PDE4D: variants seen among roughly 807,000 people sequenced by gnomAD.
The protein encoded by PDE4D is 3',5'-cyclic-AMP phosphodiesterase 4D.
A neutral mutation model predicts 87.4 loss-of-function variants in PDE4D; 24 were observed. That is an observed-to-expected ratio of 0.27 (90% CI 0.20 to 0.39). The LOEUF (loss-of-function observed/expected upper bound fraction) is 0.39. PDE4D is among the 10% of genes least tolerant of loss of function. PDE4D has a pLI of 1.00. For missense variants in PDE4D, 714 were observed against 1,041.0 expected (o/e 0.69, Z 4.32); for synonymous variants, 384 against 383.2 (o/e 1.00, Z -0.02).
chr5:60,244,422 C>T (rs539900632), intron 1 of PDE4D, among the ~76,000 whole-genome samples: 1 of 151,988 alleles, frequency 6.6e-6, no homozygotes, highest in South Asian at 2.1e-4. Flanking sequence ...ATACTGATGA[C>T]ATTCTTTACA....
At chr5:59,999,064 C>G (rs1763788017) in intron 2 of PDE4D, among the ~76,000 whole-genome samples, 1 of 152,022 alleles carries the variant, frequency 6.6e-6, no homozygotes, top group Admixed American at 6.6e-5. Context: ...GTCTAGAAAC[C>G]AGTCAAGAAG....
intron 1 of PDE4D, among the ~76,000 whole-genome samples, chr5:59,555,407 C>G (rs1818728153): frequency 6.6e-6 from 1 of 151,930 alleles, no homozygotes; most frequent in South Asian, 2.1e-4. Context: ...AGGCTTAGTT[C>G]CTGGGTGATG....
intron 1 of PDE4D, among the ~76,000 whole-genome samples, chr5:59,762,884 T>G (rs1254094157): frequency 2.6e-4 from 37 of 140,724 alleles, no homozygotes; most frequent in African/African-American, 9.5e-4. Flanking sequence ...TATATATATA[T>G]ATATATATAG....
chr5:60,503,706 T>C (rs1002528899), intron 1 of PDE4D, among the ~76,000 whole-genome samples: 2 of 152,316 alleles, frequency 1.3e-5, no homozygotes, highest in Middle Eastern at 3.4e-3. Flanking sequence ...TTGTCTTATC[T>C]GGTCTTCTAC....
intron 1 of PDE4D, among the ~76,000 whole-genome samples, chr5:60,409,335 C>T (rs1394266750): frequency 6.6e-6 from 1 of 151,784 alleles, no homozygotes; most frequent in East Asian, 1.9e-4. Context: ...TTTCATGTTC[C>T]AGGAGCAGAA....
Position 59,972,379 on chromosome 5 carries a change from CTG to C in PDE4D, c.272+16107_272+16108del, listed in dbSNP as rs538765309. 9.8e-5 allele frequency among the ~76,000 whole-genome samples: 15 copies of C among 152,310 alleles called. No homozygotes were observed. In the East Asian group the frequency reaches 2.7e-3, roughly 27 times the overall value. On this transcript the variant is annotated intron_variant, in intron 3 of 16. Coordinates refer to the PDE4D transcript ENST00000502484. ...CTCATCCCCCCAGCTATCCCAAGGACTGTGTTTCCTAAATTTCCAAGCAATAT... is the reference window on the plus strand; with the variant it reads ...CTCATCCCCCCAGCTATCCCAAGGACTGTTTCCTAAATTTCCAAGCAATAT...
At chr5:60,069,559 G>T (rs1772486548) in intron 2 of PDE4D, among the ~76,000 whole-genome samples, 1 of 151,854 alleles carries the variant, frequency 6.6e-6, no homozygotes, top group Non-Finnish European at 1.5e-5. Flanking sequence ...CTGTTTTAAT[G>T]CCAGTATCAT....
chr5:59,620,173 C>A (rs1830180361), intron 1 of PDE4D, among the ~76,000 whole-genome samples: 1 of 152,088 alleles, frequency 6.6e-6, no homozygotes, highest in African/African-American at 2.4e-5. Context: ...ACAAGGCTGA[C>A]TAGAGAAATG....
chr5:60,395,941 C>T (rs1262333947), intron 1 of PDE4D, among the ~76,000 whole-genome samples: 1 of 152,086 alleles, frequency 6.6e-6, no homozygotes, highest in Non-Finnish European at 1.5e-5. Flanking sequence ...AGGTTGTTTA[C>T]CACACAAAGG....
chr5:59,580,465 A>C (rs926058407), intron 1 of PDE4D, among the ~76,000 whole-genome samples: 3 of 152,064 alleles, frequency 2.0e-5, no homozygotes, highest in Non-Finnish European at 4.4e-5. Context: ...CATTCTAATA[A>C]ATTCTTCTTT....
intron 5 of PDE4D, among the ~76,000 whole-genome samples, chr5:59,135,846 T>G (rs1331690850): frequency 6.6e-6 from 1 of 152,186 alleles, no homozygotes; most frequent in African/African-American, 2.4e-5. Flanking sequence ...AAGAATAAAT[T>G]ATATCCTTCA....
At position 59,459,080 on chromosome 5, in the gene PDE4D, GC is replaced by G. The variant is rs376326997; in HGVS notation, c.456-243113del. 5.0e-3 allele frequency among the ~76,000 whole-genome samples: 758 copies of G among 152,092 alleles called. 8 individuals are homozygous for G. Among genetic ancestry groups the G allele is most frequent in the African/African-American group, 0.018 (736 of 41,492 alleles). On this transcript the variant is annotated intron_variant, in intron 1 of 14. Coordinates refer to ENST00000340635, the MANE Select transcript of PDE4D (RefSeq NM_001104631.2). ...TATAGAATAAAAACTGTTTTTAATGGCCCTTTTAACTGTACTCTCTAGCTTT... is the reference window on the plus strand; with the variant it reads ...TATAGAATAAAAACTGTTTTTAATGGCCTTTTAACTGTACTCTCTAGCTTT...
chr5:59,600,905 G>A (rs150091359), intron 1 of PDE4D, among the ~76,000 whole-genome samples: 254 of 152,304 alleles, frequency 1.7e-3, no homozygotes, highest in African/African-American at 5.9e-3. Flanking sequence ...TTCATGGGGA[G>A]ACCCAAGAGG....
At chr5:59,873,752 C>G (rs143082554) in intron 1 of PDE4D, among the ~76,000 whole-genome samples, 13 of 152,182 alleles carry the variant, frequency 8.5e-5, no homozygotes, top group South Asian at 2.1e-4. Flanking sequence ...GTTTTACATT[C>G]GCTTTCAACT....
chr5:59,390,940 C>T (rs932382157), intron 1 of PDE4D, among the ~76,000 whole-genome samples: 1 of 152,102 alleles, frequency 6.6e-6, no homozygotes, highest in Non-Finnish European at 1.5e-5. Flanking sequence ...GATCTTTCCC[C>T]ACCCTTGAAA....
chr5:59,583,039 G>A (rs1305675532), intron 1 of PDE4D, among the ~76,000 whole-genome samples: 1 of 152,104 alleles, frequency 6.6e-6, no homozygotes, highest in African/African-American at 2.4e-5. Context: ...TTAGCCATGT[G>A]AATCCATCAT....
At chr5:59,616,918 C>CATATATATATATATATATATCT (rs1829746013) in intron 1 of PDE4D, among the ~76,000 whole-genome samples, 2 of 62,890 alleles carry the variant, frequency 3.2e-5, no homozygotes, top group African/African-American at 5.0e-5. Flanking sequence ...CTAATAATTA[C>CATATATATATATATATATATCT]ATATATATAT....
intron 1 of PDE4D, among the ~76,000 whole-genome samples, chr5:59,602,837 G>T (rs1241146847): frequency 6.6e-6 from 1 of 152,002 alleles, no homozygotes; most frequent in Non-Finnish European, 1.5e-5. Context: ...CATAAAAACA[G>T]ACATATAGAC....
intron 1 of PDE4D, among the ~76,000 whole-genome samples, chr5:59,393,620 C>CT (rs1438406622): frequency 7.2e-5 from 11 of 152,180 alleles, no homozygotes; most frequent in Non-Finnish European, 1.5e-4. Flanking sequence ...GGACGTTCCT[C>CT]TTTTTTCTTC....
Sources: allele counts gnomAD v4.1 joint callset (sites outside exome capture counted in the v4.1 genomes callset), GRCh38; gene constraint gnomAD v4.1.1; transcripts MANE v1.5; gene names NCBI Gene and HGNC (gene_info 2026-07-23, HGNC 2026-07-21).